PTPRT: variants seen among roughly 807,000 people sequenced by gnomAD.
PTPRT encodes receptor-type tyrosine-protein phosphatase T.
A neutral mutation model predicts 176.8 loss-of-function variants in PTPRT; 56 were observed. The ratio of observed to expected loss-of-function variants is 0.32; its 90% CI spans 0.26 to 0.40. The LOEUF (loss-of-function observed/expected upper bound fraction) is 0.40. Ranked by LOEUF, PTPRT falls within the 10% of genes least tolerant of loss-of-function variation. PTPRT has a pLI of 1.00. For missense variants in PTPRT, 1,540 were observed against 1,908.2 expected (o/e 0.81, Z 3.60); for synonymous variants, 783 against 739.0 (o/e 1.06, Z -0.96).
chr20:42,229,255 C>T (rs2056085160), intron 15 of PTPRT, among the ~76,000 whole-genome samples: 1 of 152,166 alleles, frequency 6.6e-6, no homozygotes, highest in African/African-American at 2.4e-5. Flanking sequence ...GGGGGTGAGG[C>T]TCAGGAATCA....
At chr20:42,938,679 C>A (rs564358520) in intron 1 of PTPRT, among the ~76,000 whole-genome samples, 11 of 152,264 alleles carry the variant, frequency 7.2e-5, no homozygotes, top group Non-Finnish European at 8.8e-5. Context: ...CTCCCTCCCC[C>A]CCATGCTTGC....
chr20:42,600,520 T>C (rs1406012299), intron 7 of PTPRT, among the ~76,000 whole-genome samples: 1 of 152,216 alleles, frequency 6.6e-6, no homozygotes, highest in Non-Finnish European at 1.5e-5. Context: ...TAAATGGATA[T>C]ATTGTACAGT....
At chr20:43,046,440 C>T (rs1386907492) in intron 1 of PTPRT, among the ~76,000 whole-genome samples, 9 of 130,576 alleles carry the variant, frequency 6.9e-5, no homozygotes, top group East Asian at 2.1e-4. Flanking sequence ...TGGTGGAGCG[C>T]GCCTGTAGTC....
intron 7 of PTPRT, among the ~76,000 whole-genome samples, chr20:42,598,387 C>T (rs796330203): frequency 4.0e-5 from 6 of 151,576 alleles, no homozygotes; most frequent in African/African-American, 1.5e-4. Context: ...CCTTTTATAA[C>T]AAGACACAAC....
chr20:42,632,502 C>A (rs6065519), intron 7 of PTPRT, among the ~76,000 whole-genome samples: 1 of 151,960 alleles, frequency 6.6e-6, no homozygotes, highest in African/African-American at 2.4e-5. Context: ...GGGTTACAGG[C>A]GTGAGCCACC....
chr20:42,934,315 C>G (rs924722125), intron 1 of PTPRT, among the ~76,000 whole-genome samples: 4 of 152,198 alleles, frequency 2.6e-5, no homozygotes, highest in Non-Finnish European at 4.4e-5. Flanking sequence ...GAATTAAACT[C>G]TTTTAATAAA....
At chr20:43,114,752 C>T (rs1363957066) in intron 1 of PTPRT, among the ~76,000 whole-genome samples, 1 of 151,988 alleles carries the variant, frequency 6.6e-6, no homozygotes, top group East Asian at 1.9e-4. Flanking sequence ...TGAGCCCTCA[C>T]CAGTGTTATT....
chr20:42,289,610 A>G (rs182442197), intron 12 of PTPRT, among the ~76,000 whole-genome samples: 41 of 152,232 alleles, frequency 2.7e-4, no homozygotes, highest in Admixed American at 1.6e-3. Flanking sequence ...GCTATTATTA[A>G]AAAGTCAAAA....
intron 7 of PTPRT, among the ~76,000 whole-genome samples, chr20:42,519,670 G>C (rs1025629376): frequency 6.6e-6 from 1 of 152,046 alleles, no homozygotes; most frequent in Admixed American, 6.6e-5. Context: ...TTCATGTTTT[G>C]AATTAATTGA....
chr20:42,616,058 T>C (rs2145839713), intron 7 of PTPRT, among the ~76,000 whole-genome samples: 1 of 131,730 alleles, frequency 7.6e-6, no homozygotes, highest in East Asian at 2.0e-4. Flanking sequence ...TCCTAGGGTT[T>C]TTATGGTTTT....
At chr20:42,733,025 C>A (rs1466448678) in intron 6 of PTPRT, among the ~76,000 whole-genome samples, 1 of 152,110 alleles carries the variant, frequency 6.6e-6, no homozygotes, top group Non-Finnish European at 1.5e-5. Flanking sequence ...TCTCGAGAGG[C>A]CTTCTCAGCA....
chr20:42,212,762 T>C (rs1273739742), intron 15 of PTPRT, among the ~76,000 whole-genome samples: 1 of 152,224 alleles, frequency 6.6e-6, no homozygotes. Context: ...ACTCAATAAA[T>C]GCTCTCTGGT....
chr20:43,169,048 G>GGTTCAAAAC (rs1358290634), intron 1 of PTPRT, among the ~76,000 whole-genome samples: 3 of 152,130 alleles, frequency 2.0e-5, no homozygotes, highest in African/African-American at 7.2e-5. Flanking sequence ...GCGCACCCCA[G>GGTTCAAAAC]GTTCAAAACC....
chr20:43,138,477 C>T (rs1296783682), intron 1 of PTPRT, among the ~76,000 whole-genome samples: 1 of 152,218 alleles, frequency 6.6e-6, no homozygotes, highest in Non-Finnish European at 1.5e-5. Context: ...TCATCTGTCA[C>T]ATGATAACAG....
At position 42,668,725 on chromosome 20, in the gene PTPRT, T is replaced by A. The variant is rs948220198; in HGVS notation, c.1153+9141A>T. ...TTTTTTTTTTAAGGCGGAGTCTCGC[T>A]CTGTCGTCCAGGCTGGAGTACAGTG... On this transcript the variant is annotated intron_variant, in intron 7 of 30. Transcript: ENST00000373187. Among the ~76,000 whole-genome samples the A allele has an allele frequency of 2.3e-3, 349 of 150,922 alleles. 3 individuals carry two copies. Among genetic ancestry groups the A allele is most frequent in the Non-Finnish European group, 8.3e-4 (56 of 67,792 alleles).
intron 15 of PTPRT, among the ~76,000 whole-genome samples, chr20:42,202,866 A>G (rs755492863): frequency 7.9e-5 from 12 of 152,356 alleles, no homozygotes; most frequent in Non-Finnish European, 1.8e-4. Context: ...TGGTTTTCAA[A>G]GGAATCATAA....
rs547783259 is a variant in PTPRT, at chr20:42,674,734, T to C, written c.1153+3132A>G. ...TTTTACCAAAGGCCTGTTTTGAAAA[T>C]AATCAAGAAAATGGCATCTCTGTTC... On this transcript the variant is annotated intron_variant, in intron 7 of 30. Transcript: ENST00000373187. 5.3e-5 allele frequency among the ~76,000 whole-genome samples: 8 copies of C among 152,272 alleles called. No individual in the cohort carries two copies. The South Asian group carries it at 1.5e-3, about 28-fold the overall frequency.
intron 9 of PTPRT, among the ~76,000 whole-genome samples, chr20:42,424,183 T>G (rs1201751575): frequency 1.3e-5 from 2 of 152,210 alleles, no homozygotes; most frequent in African/African-American, 4.8e-5. Context: ...ATTTTTGTTC[T>G]TGTCATGACT....
intron 15 of PTPRT, among the ~76,000 whole-genome samples, chr20:42,232,018 C>A (rs566286145): frequency 6.6e-6 from 1 of 152,312 alleles, no homozygotes; most frequent in African/African-American, 2.4e-5. Context: ...CTTACCACTA[C>A]ATACTATTTA....
Sources: allele counts gnomAD v4.1 joint callset (sites outside exome capture counted in the v4.1 genomes callset), GRCh38; gene constraint gnomAD v4.1.1; transcripts MANE v1.5; gene names NCBI Gene and HGNC (gene_info 2026-07-23, HGNC 2026-07-21).